The following GRAMD4 variants were observed in gnomAD, a reference collection of about 807,000 sequenced individuals.
The protein encoded by GRAMD4 is GRAM domain containing 4.
GRAMD4 carries 25 observed loss-of-function variants against 83.9 expected under a neutral mutation model. That is an observed-to-expected ratio of 0.30 (90% CI 0.22 to 0.42). The LOEUF is 0.42. Among genes scored for constraint, GRAMD4 ranks in the 10% least tolerant of loss-of-function variants. GRAMD4 has a pLI of 1.00. For missense variants in GRAMD4, 593 were observed against 788.7 expected (o/e 0.75, Z 2.97); for synonymous variants, 336 against 320.9 (o/e 1.05, Z -0.50).
intron 1 of GRAMD4, among the ~76,000 whole-genome samples, chr22:46,626,122 G>A (rs1377292471): frequency 6.6e-6 from 1 of 152,224 alleles, no homozygotes; most frequent in Non-Finnish European, 1.5e-5. Context: ...GGAGCAGTGT[G>A]GGCGGAGTCC....
chr22:46,597,303 G>A (rs966510892), intron 1 of GRAMD4, among the ~76,000 whole-genome samples: 12 of 152,290 alleles, frequency 7.9e-5, no homozygotes, highest in African/African-American at 2.4e-4. Flanking sequence ...TGTTTAGGAG[G>A]TTAGGTTCCC....
At chr22:46,674,831 G>A (rs2082570300) in intron 16 of GRAMD4, 81 bp downstream of exon 16, 2 of 1,003,978 alleles carry the variant, frequency 2.0e-6, no homozygotes, top group Non-Finnish European at 3.2e-6. Context: ...GGCGTGGCTG[G>A]CCCAGTGCAG....
At chr22:46,612,069 T>C (rs2081423171) in intron 1 of GRAMD4, among the ~76,000 whole-genome samples, 1 of 149,978 alleles carries the variant, frequency 6.7e-6, no homozygotes, top group South Asian at 2.1e-4. Flanking sequence ...AGTGGTTCGA[T>C]CATAGCTCAC....
intron 2 of GRAMD4, among the ~76,000 whole-genome samples, chr22:46,637,335 C>A (rs1050169981): frequency 6.6e-6 from 1 of 151,652 alleles, no homozygotes; most frequent in East Asian, 1.9e-4. Flanking sequence ...TCACTGCAAG[C>A]TCCGCCTCCT....
At chr22:46,643,155 C>G (rs200922525) in intron 3 of GRAMD4, among the ~76,000 whole-genome samples, 562 of 14,014 alleles carry the variant, frequency 0.04, 1 homozygote, top group Middle Eastern at 0.14. Flanking sequence ...ATCCATCCAT[C>G]CATCCATCCA....
Position 46,621,192 on chromosome 22 carries a change from G to C in GRAMD4, c.-50+627G>C, listed in dbSNP as rs1320317408. On this transcript the variant is annotated intron_variant, in intron 1 of 18. Coordinates refer to ENST00000406902, the MANE Select transcript of GRAMD4 (RefSeq NM_015124.5). The surrounding 1 kb of genome is among the most constrained non-coding windows in gnomAD (Gnocchi z 5.8). ...AGGTGAGACGCAGGTGGGCGGTGTCGGGAGACCCGGGTCTGGCCTGAGGTG... is the reference window on the plus strand; with the variant it reads ...AGGTGAGACGCAGGTGGGCGGTGTCCGGAGACCCGGGTCTGGCCTGAGGTG... 6.6e-6 allele frequency among the ~76,000 whole-genome samples: 1 copy of C among 152,168 alleles called. No homozygotes were observed. The highest frequency in any genetic ancestry group is 2.4e-5 in the African/African-American group (1 of 41,414).
chr22:46,631,229 C>G (rs1296626231), intron 2 of GRAMD4, among the ~76,000 whole-genome samples: 1 of 152,246 alleles, frequency 6.6e-6, no homozygotes, highest in Non-Finnish European at 1.5e-5. Flanking sequence ...CACATGCCCT[C>G]TGTTGTGCCA....
chr22:46,643,610 A>G (rs952987203), intron 3 of GRAMD4, among the ~76,000 whole-genome samples: 5 of 152,186 alleles, frequency 3.3e-5, no homozygotes. Context: ...GAGTTGGGAT[A>G]GTTTCATGCC....
At position 46,665,694 on chromosome 22, in the gene GRAMD4, A is replaced by G; in HGVS notation, c.797A>G (p.Tyr266Cys). The G allele has an allele frequency of 6.3e-7, 1 of 1,577,404 alleles. No homozygotes were observed. Among genetic ancestry groups the G allele is most frequent in the Non-Finnish European group, 8.7e-7 (1 of 1,147,068 alleles). Reference sequence around the variant, plus strand: ...GCAATTCTGAGGTTATCCCTCAATTACCTCATCGCCAGGTAGGTGAGCCGG... The same window carrying G: ...GCAATTCTGAGGTTATCCCTCAATTGCCTCATCGCCAGGTAGGTGAGCCGG... ...FLAILRLSLNYLIARGWRIQW... is the reference protein window; with the variant it reads ...FLAILRLSLNCLIARGWRIQW... Residue 266 changes from tyrosine to cysteine, a missense_variant, in exon 9 of 19, where the codon TAC becomes TGC. Transcript: ENST00000406902.
chr22:46,584,429 C>T (rs763523074), intron 1 of GRAMD4, among the ~76,000 whole-genome samples: 1 of 152,104 alleles, frequency 6.6e-6, no homozygotes, highest in African/African-American at 2.4e-5. Context: ...AGTGTGAGTT[C>T]GCGCCGCTGA....
chr22:46,595,010 C>T (rs976360777), intron 1 of GRAMD4, among the ~76,000 whole-genome samples: 2 of 152,118 alleles, frequency 1.3e-5, no homozygotes, highest in African/African-American at 2.4e-5. Flanking sequence ...GCCCAGTCAC[C>T]GAGGTACCTG....
chr22:46,676,259 G>A (rs768731611), intron 17 of GRAMD4, among the ~76,000 whole-genome samples: 4 of 152,326 alleles, frequency 2.6e-5, no homozygotes, highest in South Asian at 2.1e-4. Context: ...TGGGATTGGC[G>A]GTGCTGACAG....
At chr22:46,595,078 T>G (rs1056340586) in intron 1 of GRAMD4, among the ~76,000 whole-genome samples, 4 of 152,076 alleles carry the variant, frequency 2.6e-5, no homozygotes, top group African/African-American at 9.7e-5. Context: ...AGCAGGAAAG[T>G]TGGGTCCGCA....
intron 3 of GRAMD4, among the ~76,000 whole-genome samples, chr22:46,643,097 A>G (rs1348309727): frequency 6.7e-6 from 1 of 148,234 alleles, no homozygotes; most frequent in African/African-American, 2.5e-5. Context: ...CCATCCATCC[A>G]TCCATCCATC....
intron 1 of GRAMD4, 110 bp from the exon 2 acceptor site, chr22:46,626,641 G>A (rs1295977532): frequency 3.1e-6 from 2 of 642,936 alleles, no homozygotes; most frequent in African/African-American, 4.1e-5. Flanking sequence ...CGGGGTCTCT[G>A]GGTCGGGGTT....
At chr22:46,682,155 G>T (rs2082674151), downstream of GRAMD4, among the ~76,000 whole-genome samples, 1 of 152,228 alleles carries the variant, frequency 6.6e-6, no homozygotes, top group Admixed American at 6.5e-5. Flanking sequence ...ACGTCAGCTG[G>T]AAGGGAGACA....
chr22:46,584,604 A>AC (rs1191163728), intron 1 of GRAMD4, among the ~76,000 whole-genome samples: 3 of 151,262 alleles, frequency 2.0e-5, no homozygotes, highest in Non-Finnish European at 2.9e-5. Context: ...TGTTAGTGGG[A>AC]CCCCCCGGGA....
At chr22:46,640,880 G>C in intron 3 of GRAMD4, among the ~76,000 whole-genome samples, 1 of 130,506 alleles carries the variant, frequency 7.7e-6, no homozygotes, top group African/African-American at 2.9e-5. Flanking sequence ...TCTCATTTCA[G>C]CTGTAAATAT....
At chr22:46,666,733 A>G in intron 9 of GRAMD4, 92 bp from the exon 10 acceptor site, 1 of 1,091,842 alleles carries the variant, frequency 9.2e-7, no homozygotes, top group African/African-American at 1.5e-5. Flanking sequence ...GCCCCCTCCA[A>G]GCCCAGCTGG....
Sources: allele counts gnomAD v4.1 joint callset (sites outside exome capture counted in the v4.1 genomes callset), GRCh38; gene constraint gnomAD v4.1.1; non-coding constraint Gnocchi (gnomAD v3.1); transcripts MANE v1.5; gene names NCBI Gene and HGNC (gene_info 2026-07-23, HGNC 2026-07-21).